CLXN: variants seen among roughly 807,000 people sequenced by gnomAD.
CLXN encodes EF-hand calcium binding domain 1.
chr8:48,716,901 T>A, the CLXN span, among the ~76,000 whole-genome samples: 1 of 152,208 alleles, frequency 6.6e-6, no homozygotes, highest in Non-Finnish European at 1.5e-5. Flanking sequence ...ACTTAACTAA[T>A]TAATGGCTGA....
chr8:48,715,349 C>T, the CLXN span: 3 of 152,148 alleles, frequency 2.0e-5, no homozygotes, highest in Admixed American at 2.0e-4. Flanking sequence ...TACTTGCCAA[C>T]AAAAATAGCT....
At chr8:48,728,480 T>A in the CLXN span, among the ~76,000 whole-genome samples, 1 of 152,160 alleles carries the variant, frequency 6.6e-6, no homozygotes, top group East Asian at 1.9e-4. Context: ...ACTCTACACA[T>A]ATCTCTATGA....
chr8:48,716,577 C>T, the CLXN span: 1 of 152,216 alleles, frequency 6.6e-6, no homozygotes, highest in African/African-American at 2.4e-5. Context: ...AGGAAAACAA[C>T]ACGTGAACAA....
chr8:48,734,990 G>C, the CLXN span: 2 of 1,343,082 alleles, frequency 1.5e-6, no homozygotes, highest in African/African-American at 2.9e-5. Context: ...AGCCCACAGA[G>C]TCCCAGCAGG....
At chr8:48,730,639 G>T in the CLXN span, 1 of 1,601,370 alleles carries the variant, frequency 6.2e-7, no homozygotes, top group Non-Finnish European at 8.5e-7. Context: ...TCAAAACCTC[G>T]GAATACTAAA....
the CLXN span, chr8:48,729,098 C>T: frequency 6.2e-7 from 1 of 1,613,596 alleles, no homozygotes; most frequent in South Asian, 1.1e-5. Flanking sequence ...TCTTCTCTCA[C>T]AGCCAGTTCA....
chr8:48,726,144 AT>A, the CLXN span, among the ~76,000 whole-genome samples: 2 of 141,412 alleles, frequency 1.4e-5, no homozygotes, highest in East Asian at 4.4e-4. Flanking sequence ...CCATCCATCC[AT>A]CCATCCATCC....
the CLXN span, chr8:48,731,407 G>T: frequency 6.2e-7 from 1 of 1,613,112 alleles, no homozygotes; most frequent in East Asian, 2.2e-5. Flanking sequence ...GTTTCGAAAT[G>T]CATTACGATC....
At chr8:48,719,624 C>T in the CLXN span, among the ~76,000 whole-genome samples, 2 of 152,204 alleles carry the variant, frequency 1.3e-5, no homozygotes, top group Non-Finnish European at 2.9e-5. Flanking sequence ...ATATGCAAAT[C>T]AATTAATGTG....
chr8:48,731,232 A>G, the CLXN span: 5 of 1,047,392 alleles, frequency 4.8e-6, no homozygotes, highest in Admixed American at 3.5e-5. Context: ...GTATATTCCA[A>G]TGACACTGGG....
chr8:48,732,519 A>G, the CLXN span, among the ~76,000 whole-genome samples: 4 of 152,192 alleles, frequency 2.6e-5, no homozygotes, highest in African/African-American at 9.6e-5. Context: ...AAACAATATA[A>G]TGGTTATGAT....
At chr8:48,731,449 C>T in the CLXN span, 1 of 1,613,336 alleles carries the variant, frequency 6.2e-7, no homozygotes, top group Non-Finnish European at 8.5e-7. Flanking sequence ...CCTCTCTACT[C>T]CTCCCACCAA....
At chr8:48,719,986 C>T in the CLXN span, among the ~76,000 whole-genome samples, 4 of 152,158 alleles carry the variant, frequency 2.6e-5, no homozygotes, top group South Asian at 4.1e-4. Flanking sequence ...GCTGGAGCTG[C>T]GGCAGAGGAA....
the CLXN span, among the ~76,000 whole-genome samples, chr8:48,728,577 C>A: frequency 7.9e-5 from 12 of 152,306 alleles, no homozygotes; most frequent in African/African-American, 2.9e-4. Flanking sequence ...TTGGTTTCCT[C>A]ATCTGGAAAA....
At chr8:48,713,065 C>A in the CLXN span, among the ~76,000 whole-genome samples, 2 of 151,186 alleles carry the variant, frequency 1.3e-5, no homozygotes, top group African/African-American at 4.9e-5. Flanking sequence ...GTGAGAAGTG[C>A]ACTTTGATTT....
the CLXN span, among the ~76,000 whole-genome samples, chr8:48,717,348 C>G: frequency 6.6e-6 from 1 of 152,094 alleles, no homozygotes; most frequent in Non-Finnish European, 1.5e-5. Flanking sequence ...TCAGCAAAAA[C>G]CCTGTAGACC....
chr8:48,723,917 C>A, the CLXN span: 11 of 152,354 alleles, frequency 7.2e-5, no homozygotes, highest in Admixed American at 7.2e-4. Flanking sequence ...ATGCATGGGG[C>A]AGGGACTATC....
the CLXN span, chr8:48,713,888 A>G: frequency 6.6e-6 from 1 of 152,198 alleles, no homozygotes; most frequent in Non-Finnish European, 1.5e-5. Context: ...AAAACACTTA[A>G]TTGTTTCCCA....
At chr8:48,724,937 G>A in the CLXN span, 5 of 602,488 alleles carry the variant, frequency 8.3e-6, no homozygotes, top group African/African-American at 3.8e-5. Context: ...GTGTTCAAGC[G>A]TTTCACTCAC....
Sources: allele counts gnomAD v4.1 joint callset (sites outside exome capture counted in the v4.1 genomes callset), GRCh38; gene constraint gnomAD v4.1.1; transcripts MANE v1.5; gene names NCBI Gene and HGNC (gene_info 2026-07-23, HGNC 2026-07-21).